DENND4C: variants seen among roughly 807,000 people sequenced by gnomAD.
DENND4C encodes DENN domain containing 4C, also known as DENN domain-containing protein 4C.
Under a neutral mutation model 203.0 loss-of-function variants are expected in DENND4C, and 108 were observed. The observed-to-expected ratio is 0.53, with a 90% confidence interval of 0.46 to 0.62. The LOEUF (loss-of-function observed/expected upper bound fraction) is 0.62. Among genes scored for constraint, DENND4C ranks in the 20% least tolerant of loss-of-function variants. DENND4C has a pLI of 0.00. For missense variants in DENND4C, 2,481 were observed against 2,301.2 expected, an observed-to-expected ratio of 1.08 and a Z score of -1.60; for synonymous variants, 871 against 792.4, an observed-to-expected ratio of 1.10 and a Z score of -1.67.
chr9:19,335,438 T>C (rs2772403), intron 18 of DENND4C, among the ~76,000 whole-genome samples: 72,246 of 151,676 alleles, frequency 0.48, 17,202 homozygotes, highest in Middle Eastern at 0.55. Flanking sequence ...GTTCAATAGA[T>C]TTCTTGAATT....
At chr9:19,331,533 G>A (rs1191024987) in intron 16 of DENND4C, among the ~76,000 whole-genome samples, 1 of 152,124 alleles carries the variant, frequency 6.6e-6, no homozygotes, top group Non-Finnish European at 1.5e-5. Context: ...GTCTGTCAGT[G>A]AGGGAGTTAA....
rs1045937550 is a variant in DENND4C at position 19,253,703 on chromosome 9, C to T, written c.-17-22455C>T. 4.6e-5 allele frequency among the ~76,000 whole-genome samples: 7 copies of T among 152,178 alleles called. No homozygotes were observed. In the East Asian group the frequency reaches 1.3e-3, roughly 29 times the overall value. ...TCTTTTATTACAATGAGAGGAATTA[C>T]ATGAACTGCATTTAGTTTTTTTTAT... On this transcript the variant is annotated intron_variant, in intron 1 of 32. Coordinates refer to ENST00000434457, the MANE Select transcript of DENND4C (RefSeq NM_001330640.2).
Position 19,305,372 on chromosome 9 carries a change from G to C in DENND4C, c.1332G>C (p.Trp444Cys), listed in dbSNP as rs1296513409. ...CCCAGATGATCTTTCCATTTCAGTG[G>C]CAATGCCCATATATTCCCCTTTGTC... ...AVVAMIFPFQ[W>C]QCPYIPLCPL... The change falls in exon 10 of 33, where the codon TGG (tryptophan) becomes TGC (cysteine). Residue 444 changes from tryptophan (W) to cysteine (C), a missense_variant. By Grantham distance (215) the Trp-to-Cys change is radical (BLOSUM62 -2). This residue lies in a region of DENND4C where 2,289 missense variants were observed against 2,113.3 expected (regional missense o/e 1.08). Coordinates refer to ENST00000434457, the MANE Select transcript of DENND4C (RefSeq NM_001330640.2). 6.2e-7 allele frequency: 1 copy of C among 1,604,582 alleles called. No individual in the cohort carries two copies. The highest frequency in any genetic ancestry group is 8.5e-7 in the Non-Finnish European group (1 of 1,175,350).
chr9:19,342,336 C>G (rs1821850369), intron 21 of DENND4C, among the ~76,000 whole-genome samples: 4 of 152,032 alleles, frequency 2.6e-5, no homozygotes, highest in African/African-American at 9.7e-5. Flanking sequence ...GAAACAAGCC[C>G]CTCTCCATTT....
chr9:19,347,127 T>C (rs1823093827), intron 23 of DENND4C, 41 bp downstream of exon 23: 1 of 1,517,978 alleles, frequency 6.6e-7, no homozygotes, highest in South Asian at 1.2e-5. Context: ...GCTATTGGAG[T>C]GTTTATAGTA....
chr9:19,360,248 C>G lies in DENND4C; in HGVS notation c.5165C>G (p.Pro1722Arg). 6.2e-7 allele frequency: 1 copy of G among 1,610,634 alleles called. No individual in the cohort carries two copies. Among genetic ancestry groups the G allele is most frequent in the East Asian group, 2.2e-5 (1 of 44,844 alleles). Residue 1722 changes from proline to arginine, a missense_variant, in exon 29 of 33, where the codon CCT becomes CGT. Physicochemically the swap from Pro to Arg is moderately radical, Grantham distance 103. Transcript: ENST00000434457. ...LPNSLQEVVD[P>R]LGKRPNPPPV... is the part of the protein sequence containing the mutation. Reference sequence around the variant, plus strand: ...TCTTTTTGTATTTTTTTTAAGGATCCTTTAGGAAAAAGACCCAATCCTCCC... The same window carrying G: ...TCTTTTTGTATTTTTTTTAAGGATCGTTTAGGAAAAAGACCCAATCCTCCC...
intron 10 of DENND4C, among the ~76,000 whole-genome samples, chr9:19,306,857 T>G (rs1304173312): frequency 2.6e-5 from 4 of 151,986 alleles, no homozygotes; most frequent in Non-Finnish European, 4.4e-5. Context: ...CCTGACTCTC[T>G]GCAGTCTCCG....
chr9:19,308,055 C>A (rs1009620105), intron 10 of DENND4C, among the ~76,000 whole-genome samples: 1 of 152,002 alleles, frequency 6.6e-6, no homozygotes, highest in African/African-American at 2.4e-5. Flanking sequence ...GCTCACCATT[C>A]TTTGTGAGGT....
chr9:19,307,493 G>C (rs1302637662), intron 10 of DENND4C, among the ~76,000 whole-genome samples: 1 of 151,694 alleles, frequency 6.6e-6, no homozygotes, highest in East Asian at 1.9e-4. Context: ...AAATAGGCCG[G>C]GCACAGTGGC....
chr9:19,260,959 G>T (rs1324564683), intron 1 of DENND4C, among the ~76,000 whole-genome samples: 2 of 152,120 alleles, frequency 1.3e-5, no homozygotes, highest in African/African-American at 4.8e-5. Flanking sequence ...GTCCTGGAGA[G>T]TATCCCCAAT....
Position 19,346,503 on chromosome 9 carries a change from A to AT in DENND4C, c.3735dup (p.Val1246CysfsTer2). The AT allele has an allele frequency of 6.2e-7, 1 of 1,614,196 alleles. No individual in the cohort carries two copies. The highest frequency in any genetic ancestry group is 8.5e-7 in the Non-Finnish European group (1 of 1,180,040). The stretch of plus-strand genomic sequence containing the variant: ...ATTGCTAAGGTGGTTCAGAGGGAAG[A>AT]TGTTGAAACTGGACTAGATCCTTTG... On this transcript the variant is annotated frameshift_variant, in exon 23 of 33. Coordinates refer to ENST00000434457, the MANE Select transcript of DENND4C (RefSeq NM_001330640.2). LOFTEE classifies it high-confidence loss of function.
Position 19,371,923 on chromosome 9 carries a change from C to G in DENND4C, c.5740+103C>G. The G allele has an allele frequency of 9.9e-6, 13 of 1,319,284 alleles. No individual in the cohort carries two copies. The South Asian group carries it at 1.7e-4, about 17-fold the overall frequency. The allele number at this position is 1,319,284 out of a possible 1,614,324, so 81.7% of individuals were successfully genotyped here. A position where few individuals can be genotyped will look rare whatever the true frequency, so the allele number is the denominator to read the frequency against. ...TATGTATAAAAGATTTAAAAGATTT[C>G]TACTTCTAAATATATAGTTCAAATA... On this transcript the variant is annotated intron_variant, in intron 32 of 32. Transcript: ENST00000434457.
intron 12 of DENND4C, among the ~76,000 whole-genome samples, chr9:19,320,882 G>T (rs1301386286): frequency 6.6e-6 from 1 of 152,192 alleles, no homozygotes; most frequent in Non-Finnish European, 1.5e-5. Flanking sequence ...ATTATAACTT[G>T]TGGAGAATAA....
At chr9:19,342,549 C>A (rs1821892972) in intron 21 of DENND4C, 84 bp from the exon 22 acceptor site, 1 of 1,368,272 alleles carries the variant, frequency 7.3e-7, no homozygotes, top group Non-Finnish European at 9.7e-7. Context: ...GAGAAAAATA[C>A]ATACAATATC....
At chr9:19,300,906 A>G (rs1025539485) in intron 9 of DENND4C, among the ~76,000 whole-genome samples, 1 of 152,206 alleles carries the variant, frequency 6.6e-6, no homozygotes, top group Non-Finnish European at 1.5e-5. Flanking sequence ...ATTGACAGGC[A>G]TGGTGGCTTA....
rs78567132 is a variant in DENND4C at position 19,256,087 on chromosome 9, GA to G, written c.-17-20058del. Among the ~76,000 whole-genome samples, 915 of 117,548 alleles carry G rather than the reference GA, an allele frequency of 7.8e-3. 4 individuals carry two copies. Among genetic ancestry groups the G allele is most frequent in the African/African-American group, 0.02 (668 of 33,586 alleles). 77.1% of individuals were successfully genotyped at this position (117,548 alleles called of 152,430 possible). ...ACCCTGTCTCTGCAAAAAAATAAAT[GA>G]AAAAAAAAAAAAGACCAGATTCTTA... On this transcript the variant is annotated intron_variant, in intron 1 of 32. Coordinates refer to ENST00000434457, the MANE Select transcript of DENND4C (RefSeq NM_001330640.2).
intron 12 of DENND4C, among the ~76,000 whole-genome samples, chr9:19,323,611 A>G (rs1297834402): frequency 3.9e-5 from 6 of 152,170 alleles, no homozygotes; most frequent in Non-Finnish European, 5.9e-5. Context: ...AATAGAGGAA[A>G]TTGTGGAATA....
chr9:19,268,435 T>C (rs1315982147), intron 1 of DENND4C, among the ~76,000 whole-genome samples: 1 of 152,206 alleles, frequency 6.6e-6, no homozygotes, highest in Non-Finnish European at 1.5e-5. Flanking sequence ...TCTTTTATTC[T>C]TTCTGTTTGA....
At chr9:19,299,177 C>G (rs1838051427) in intron 7 of DENND4C, 52 bp from the exon 8 acceptor site, 5 of 1,350,138 alleles carry the variant, frequency 3.7e-6, no homozygotes, top group Non-Finnish European at 5.0e-6. Context: ...AAACTTATCT[C>G]TTGGTTTGGT....
Sources: allele counts gnomAD v4.1 joint callset (sites outside exome capture counted in the v4.1 genomes callset), GRCh38; gene constraint gnomAD v4.1.1; regional missense constraint gnomAD v4.1.1; transcripts MANE v1.5; gene names NCBI Gene and HGNC (gene_info 2026-07-23, HGNC 2026-07-21).